RIMS3: variants seen among roughly 807,000 people sequenced by gnomAD.
RIMS3 encodes regulating synaptic membrane exocytosis 3, also known as regulating synaptic membrane exocytosis protein 3.
Under a neutral mutation model 29.2 loss-of-function variants are expected in RIMS3, and 15 were observed. The observed-to-expected ratio is 0.51, with a 90% CI of 0.34 to 0.79. The LOEUF is 0.79. Ranked by LOEUF, RIMS3 falls within the 30% of genes least tolerant of loss-of-function variation. The pLI, the probability that RIMS3 is intolerant of heterozygous loss-of-function variation, is 0.01. For synonymous variants in RIMS3, 161 were observed against 170.1 expected (o/e 0.95, Z 0.41); for missense variants, 342 against 421.4 (o/e 0.81, Z 1.65).
Position 40,628,800 on chromosome 1 carries a change from T to C in RIMS3, c.714+10A>G. On this transcript the variant is annotated intron_variant, in intron 7 of 7. Coordinates refer to ENST00000372684, the MANE Select transcript of RIMS3 (RefSeq NM_014747.3). ...AGTCCACCCTGCCCTACTTGCCCTG[T>C]GACACCCACCTGCAGCACCTTGCCC... 6.2e-7 allele frequency: 1 copy of C among 1,614,176 alleles called. No homozygotes were observed. The highest frequency in any genetic ancestry group is 2.2e-5 in the East Asian group (1 of 44,884).
chr1:40,631,041 C>T (rs1646485936), intron 5 of RIMS3, among the ~76,000 whole-genome samples: 1 of 152,194 alleles, frequency 6.6e-6, no homozygotes, highest in South Asian at 2.1e-4. Context: ...CACAGCAGGA[C>T]ACTGCACTTG....
chr1:40,641,878 A>G lies in RIMS3; in HGVS notation c.48T>C (p.Asn16=), dbSNP rs757526224. ...PGPASSGASR[N]VVRSSSISGE... ...CGCTAATGCTGGAGCTCCGCACCAC[A>G]TTCCTGGAGGCCCCAGATGAGGCAG... Residue 16 remains asparagine (N), a synonymous_variant, in exon 3 of 8, where the codon AAT becomes AAC. Coordinates refer to ENST00000372684, the MANE Select transcript of RIMS3 (RefSeq NM_014747.3). The G allele has an allele frequency of 5.0e-6, 8 of 1,613,454 alleles. No individual in the cohort carries two copies. The South Asian group carries it at 6.6e-5, about 13-fold the overall frequency.
chr1:40,676,002 C>T, the RIMS3 span, among the ~76,000 whole-genome samples: 3 of 151,940 alleles, frequency 2.0e-5, no homozygotes, highest in African/African-American at 7.3e-5. Context: ...GATCAGAGAC[C>T]AAGAGAAGGC....
chr1:40,662,876 G>C (rs757209894), intron 1 of RIMS3, among the ~76,000 whole-genome samples: 2 of 152,196 alleles, frequency 1.3e-5, no homozygotes, highest in African/African-American at 2.4e-5. Context: ...GTGGTAACAG[G>C]TTGGAAGCGG....
chr1:40,641,952 C>G lies in RIMS3; in HGVS notation c.-27G>C. The G allele has an allele frequency of 6.3e-7, 1 of 1,595,880 alleles. No homozygotes were observed. Among genetic ancestry groups the G allele is most frequent in the Non-Finnish European group, 8.6e-7 (1 of 1,165,468 alleles). ...GTCCCCGGGGTGGCAGGGCCTCAGG[C>G]AGCTCTGAAGATGGGCAGGAAACAA... On this transcript the variant is annotated 5_prime_UTR_variant, in exon 3 of 8. Transcript: ENST00000372684.
At chr1:40,670,574 T>TTATACATATATATATATA (rs1642479981), upstream of RIMS3, among the ~76,000 whole-genome samples, 2 of 71,210 alleles carry the variant, frequency 2.8e-5, no homozygotes, top group Non-Finnish European at 4.8e-5. Flanking sequence ...AGTTATAATT[T>TTATACATATATATATATA]TATATATATA....
chr1:40,629,101 T>C, intron 6 of RIMS3, 152 bp from the exon 7 acceptor site: 1 of 1,128,600 alleles, frequency 8.9e-7, no homozygotes, highest in Non-Finnish European at 1.3e-6. Flanking sequence ...ACTCAAGTAC[T>C]GATTCCTCCA....
chr1:40,679,278 A>C, the RIMS3 span, among the ~76,000 whole-genome samples: 1 of 152,038 alleles, frequency 6.6e-6, no homozygotes, highest in African/African-American at 2.4e-5. Flanking sequence ...CAATGGCTTC[A>C]CCTCTCCTCC....
chr1:40,685,258 A>T, the RIMS3 span, among the ~76,000 whole-genome samples: 2 of 145,108 alleles, frequency 1.4e-5, no homozygotes, highest in Non-Finnish European at 3.0e-5. Flanking sequence ...AAAATGCAAT[A>T]AATTTATTAT....
At chr1:40,628,699 T>C in intron 7 of RIMS3, 111 bp downstream of exon 7, 2 of 1,433,188 alleles carry the variant, frequency 1.4e-6, no homozygotes, top group Non-Finnish European at 2.0e-6. Flanking sequence ...GTAACGCAAA[T>C]TAATGCACCT....
intron 1 of RIMS3, among the ~76,000 whole-genome samples, chr1:40,661,670 C>T (rs1338887319): frequency 6.6e-6 from 1 of 152,212 alleles, no homozygotes; most frequent in Non-Finnish European, 1.5e-5. Flanking sequence ...TTTATGGTTT[C>T]CATGTGGAAT....
chr1:40,630,218 A>C (rs536254110), intron 5 of RIMS3, among the ~76,000 whole-genome samples: 40 of 152,342 alleles, frequency 2.6e-4, no homozygotes, highest in African/African-American at 9.1e-4. Context: ...GAAGGCCAGC[A>C]GACTTTCTGG....
intron 1 of RIMS3, among the ~76,000 whole-genome samples, chr1:40,651,364 T>C (rs1376309273): frequency 6.6e-6 from 1 of 152,052 alleles, no homozygotes; most frequent in African/African-American, 2.4e-5. Flanking sequence ...ACGCCAAGGA[T>C]TGCCACCTGT....
chr1:40,651,310 C>T (rs1265806124), intron 1 of RIMS3, among the ~76,000 whole-genome samples: 1 of 152,182 alleles, frequency 6.6e-6, no homozygotes, highest in Non-Finnish European at 1.5e-5. Context: ...GCGCCATGTG[C>T]CGACGGAGGC....
chr1:40,641,049 T>C (rs955405091), intron 3 of RIMS3, among the ~76,000 whole-genome samples: 1 of 152,382 alleles, frequency 6.6e-6, no homozygotes, highest in Non-Finnish European at 1.5e-5. Context: ...TGTGTCTCCC[T>C]TGTGCTTTGT....
At chr1:40,680,547 G>T in the RIMS3 span, among the ~76,000 whole-genome samples, 1 of 152,014 alleles carries the variant, frequency 6.6e-6, no homozygotes, top group Non-Finnish European at 1.5e-5. Flanking sequence ...GGCCAGGATG[G>T]TCTTGAACTC....
At chr1:40,646,581 C>T (rs1014725561) in intron 2 of RIMS3, among the ~76,000 whole-genome samples, 3 of 152,166 alleles carry the variant, frequency 2.0e-5, no homozygotes, top group Non-Finnish European at 4.4e-5. Flanking sequence ...CTCTGAAGTT[C>T]TTCCTGCTGA....
chr1:40,659,099 C>T (rs1226642292), intron 1 of RIMS3, among the ~76,000 whole-genome samples: 1 of 152,134 alleles, frequency 6.6e-6, no homozygotes, highest in Non-Finnish European at 1.5e-5. Context: ...GGAAGGGCTC[C>T]ACAGGCTTCA....
chr1:40,678,244 C>G, the RIMS3 span, among the ~76,000 whole-genome samples: 1 of 152,136 alleles, frequency 6.6e-6, no homozygotes, highest in South Asian at 2.1e-4. Flanking sequence ...CCCGTCTCTA[C>G]TAAAAATACA....
Sources: gnomAD v4.1 joint callset for allele counts (sites outside exome capture counted in the v4.1 genomes callset) on GRCh38, gnomAD v4.1.1 for gene constraint, MANE v1.5 for transcripts, NCBI Gene and HGNC (gene_info 2026-07-23, HGNC 2026-07-21) for gene names.